Variants in SH3GL3 observed in about 807,000 individuals in gnomAD.
SH3GL3 encodes the protein SH3 domain containing GRB2 like 3, endophilin A3.
Under a neutral mutation model 47.7 loss-of-function variants are expected in SH3GL3, and 33 were observed. That is an observed-to-expected ratio of 0.69 (90% CI 0.52 to 0.92). SH3GL3 has a LOEUF of 0.92. SH3GL3 is among the 40% of genes least tolerant of loss of function. The probability of loss-of-function intolerance (pLI) is 0.00; values close to 1 mark genes in which losing one functional copy is unlikely to be tolerated. For synonymous variants in SH3GL3, 155 were observed against 148.8 expected (o/e 1.04, Z -0.30); for missense variants, 363 against 417.8 (o/e 0.87, Z 1.14).
chr15:83,570,829 G>A (rs947218771), intron 4 of SH3GL3, among the ~76,000 whole-genome samples: 1 of 152,116 alleles, frequency 6.6e-6, no homozygotes, highest in Non-Finnish European at 1.5e-5. Context: ...TTATTCTAAG[G>A]GCCAATGGGG....
At chr15:83,590,518 C>T (rs1203922733) in intron 8 of SH3GL3, among the ~76,000 whole-genome samples, 2 of 152,158 alleles carry the variant, frequency 1.3e-5, no homozygotes, top group Admixed American at 6.5e-5. Flanking sequence ...GTTGTGCTAC[C>T]ATTTCACATC....
chr15:83,618,074 G>GGACA lies in SH3GL3; in HGVS notation c.839-8_839-7insGACA, dbSNP rs2060876381. 1 of 1,593,494 alleles carries GGACA rather than the reference G, an allele frequency of 6.3e-7. No individual in the cohort carries two copies. Among genetic ancestry groups the GGACA allele is most frequent in the Non-Finnish European group, 8.6e-7 (1 of 1,161,176 alleles). The stretch of plus-strand genomic sequence containing the variant: ...TCTGTACTTTTTGTCTCCATATCAT[G>GGACA]TGGACAGGTTCTAACATTCCCATGG... On this transcript the variant is annotated splice_polypyrimidine_tract_variant and splice_region_variant and intron_variant, in intron 8 of 8. Coordinates refer to ENST00000427482, the MANE Select transcript of SH3GL3 (RefSeq NM_003027.5).
At chr15:83,481,057 C>G (rs938066375) in intron 1 of SH3GL3, among the ~76,000 whole-genome samples, 1 of 152,078 alleles carries the variant, frequency 6.6e-6, no homozygotes, top group South Asian at 2.1e-4. Flanking sequence ...GGGCGGATCA[C>G]CTGAGGTTAG....
chr15:83,621,188 T>C (rs984306507), downstream of SH3GL3, among the ~76,000 whole-genome samples: 1 of 152,248 alleles, frequency 6.6e-6, no homozygotes, highest in Non-Finnish European at 1.5e-5. Context: ...GCAGCACTTT[T>C]AATTTCCTTC....
At chr15:83,596,295 G>C (rs535009969) in intron 8 of SH3GL3, among the ~76,000 whole-genome samples, 23 of 152,246 alleles carry the variant, frequency 1.5e-4, no homozygotes, top group Admixed American at 9.2e-4. Context: ...GCCAGAATAT[G>C]ATCCATCTTG....
rs189514369 is a variant in SH3GL3 at position 83,508,175 on chromosome 15, C to T, written c.46-51078C>T. Among the ~76,000 whole-genome samples, 46 of 151,974 alleles carry T rather than the reference C, an allele frequency of 3.0e-4. 1 individual carries two copies. The Middle Eastern group carries it at 0.014, about 45-fold the overall frequency. On this transcript the variant is annotated intron_variant, in intron 1 of 8. Coordinates refer to ENST00000427482, the MANE Select transcript of SH3GL3 (RefSeq NM_003027.5). ...TAGGATGGTCTCGATCTCCTGACCT[C>T]GTGATCTGCTTGCCTCAGCCTCCCA...
At chr15:83,512,491 G>A (rs559263329) in intron 1 of SH3GL3, among the ~76,000 whole-genome samples, 11 of 152,250 alleles carry the variant, frequency 7.2e-5, no homozygotes, top group African/African-American at 1.2e-4. Flanking sequence ...GCCTGGAAGC[G>A]CGCTGCTTTC....
intron 1 of SH3GL3, among the ~76,000 whole-genome samples, chr15:83,554,676 T>C (rs2044850205): frequency 6.6e-6 from 1 of 152,218 alleles, no homozygotes; most frequent in Non-Finnish European, 1.5e-5. Flanking sequence ...GCATGATCTG[T>C]AATCCCGTGC....
At position 83,503,180 on chromosome 15, in the gene SH3GL3, A is replaced by G. The variant is rs2042361850; in HGVS notation, c.45+55602A>G. Among the ~76,000 whole-genome samples the G allele has an allele frequency of 2.6e-5, 4 of 152,322 alleles. No individual in the cohort carries two copies. The South Asian group carries it at 8.3e-4, about 32-fold the overall frequency. ...AAATACAAAAAAAGAAAAAAACATT[A>G]TAAAATACAAAAAACCACCAGCAAA... On this transcript the variant is annotated intron_variant, in intron 1 of 8. Transcript: ENST00000427482.
intron 8 of SH3GL3, among the ~76,000 whole-genome samples, chr15:83,599,236 G>A (rs932777000): frequency 2.6e-5 from 4 of 152,060 alleles, no homozygotes; most frequent in Non-Finnish European, 5.9e-5. Context: ...GGAACAGGTG[G>A]TATTTGGTTA....
At chr15:83,477,439 T>C (rs986249260) in intron 1 of SH3GL3, among the ~76,000 whole-genome samples, 2 of 152,188 alleles carry the variant, frequency 1.3e-5, no homozygotes, top group Admixed American at 1.3e-4. Flanking sequence ...GTCATTTTCA[T>C]GTTTATCTTT....
chr15:83,553,697 C>G (rs1043202522), intron 1 of SH3GL3, among the ~76,000 whole-genome samples: 1 of 152,148 alleles, frequency 6.6e-6, no homozygotes, highest in Non-Finnish European at 1.5e-5. Context: ...ATACCCATTT[C>G]TCACCTCCTC....
intron 8 of SH3GL3, among the ~76,000 whole-genome samples, chr15:83,593,442 T>G (rs2060157621): frequency 6.6e-6 from 1 of 152,238 alleles, no homozygotes; most frequent in Non-Finnish European, 1.5e-5. Flanking sequence ...CTCTAAGTAT[T>G]TTATATCTTT....
intron 5 of SH3GL3, 133 bp downstream of exon 5, chr15:83,572,831 C>T: frequency 1.6e-6 from 1 of 633,186 alleles, no homozygotes; most frequent in Non-Finnish European, 2.6e-6. Flanking sequence ...TGACTCAGTT[C>T]TATTTTCCTG....
chr15:83,473,563 TC>T (rs1184655221), intron 1 of SH3GL3, among the ~76,000 whole-genome samples: 1 of 151,592 alleles, frequency 6.6e-6, no homozygotes, highest in Non-Finnish European at 1.5e-5. Context: ...TTTTTTTTTT[TC>T]TGAGACAGAG....
chr15:83,553,930 C>T (rs910809124), intron 1 of SH3GL3, among the ~76,000 whole-genome samples: 6 of 151,444 alleles, frequency 4.0e-5, no homozygotes, highest in African/African-American at 1.5e-4. Flanking sequence ...CCTCTTGGTT[C>T]GGTTTTTATT....
downstream of SH3GL3, among the ~76,000 whole-genome samples, chr15:83,623,548 C>T (rs1026984355): frequency 6.6e-6 from 1 of 152,242 alleles, no homozygotes. Flanking sequence ...GACTATCTCA[C>T]AGGCTGGGCC....
At chr15:83,501,326 C>G (rs142881616) in intron 1 of SH3GL3, among the ~76,000 whole-genome samples, 521 of 152,214 alleles carry the variant, frequency 3.4e-3, no homozygotes, top group African/African-American at 0.012. Flanking sequence ...ATAAGCTGAA[C>G]TTTAATTTTA....
intron 8 of SH3GL3, among the ~76,000 whole-genome samples, chr15:83,598,343 T>C (rs1226612607): frequency 6.6e-6 from 1 of 152,224 alleles, no homozygotes; most frequent in Non-Finnish European, 1.5e-5. Flanking sequence ...TGTCACAGCA[T>C]TCCGCTTTGG....
Sources: gnomAD v4.1 joint callset for allele counts (sites outside exome capture counted in the v4.1 genomes callset) on GRCh38, gnomAD v4.1.1 for gene constraint, MANE v1.5 for transcripts, NCBI Gene and HGNC (gene_info 2026-07-23, HGNC 2026-07-21) for gene names.